Variants in EPM2A observed in about 807,000 individuals in gnomAD.
EPM2A encodes EPM2A glucan phosphatase, laforin.
In EPM2A, 21 loss-of-function variants were observed where a neutral mutation model predicts 26.5. The observed-to-expected ratio is 0.79, with a 90% CI of 0.56 to 1.14. The LOEUF (loss-of-function observed/expected upper bound fraction) is 1.14, where lower values mean the gene tolerates loss of function less well. Among genes scored for constraint, EPM2A ranks in the 50% most tolerant of loss-of-function variants. EPM2A has a pLI of 0.00. For synonymous variants in EPM2A, 217 were observed against 177.6 expected (o/e 1.22, Z -1.76); for missense variants, 458 against 440.8 (o/e 1.04, Z -0.35).
At chr6:145,735,750 G>A, upstream of EPM2A, 11 of 571,976 alleles carry the variant, frequency 1.9e-5, no homozygotes, top group Non-Finnish European at 2.5e-5. Flanking sequence ...GCGGGCGGTT[G>A]ATTTCCACCT....
At chr6:145,609,795 G>A (rs1392214159) in intron 2 of EPM2A, among the ~76,000 whole-genome samples, 8 of 152,020 alleles carry the variant, frequency 5.3e-5, no homozygotes, top group Non-Finnish European at 8.8e-5. Context: ...CTTGTTCTTT[G>A]GTGTCCTTTA....
chr6:145,670,465 C>T (rs1013085309), intron 2 of EPM2A: 1 of 152,136 alleles, frequency 6.6e-6, no homozygotes, highest in African/African-American at 2.4e-5. Flanking sequence ...AACAACAATG[C>T]TGCTGATAAT....
At chr6:145,690,094 G>A (rs887959553) in intron 1 of EPM2A, among the ~76,000 whole-genome samples, 2 of 152,198 alleles carry the variant, frequency 1.3e-5, no homozygotes, top group Non-Finnish European at 2.9e-5. Flanking sequence ...CACTCAGGGA[G>A]GAGTCTGTTT....
chr6:145,397,944 A>G (rs1778428376), intron 4 of EPM2A, among the ~76,000 whole-genome samples: 1 of 152,128 alleles, frequency 6.6e-6, no homozygotes, highest in Admixed American at 6.6e-5. Flanking sequence ...ACTGAGATGA[A>G]TTTTTATACT....
At chr6:145,552,663 A>G (rs2114805627) in intron 2 of EPM2A, among the ~76,000 whole-genome samples, 1 of 152,236 alleles carries the variant, frequency 6.6e-6, no homozygotes, top group South Asian at 2.1e-4. Context: ...TAAATATGTG[A>G]GCAAAAGTAA....
chr6:145,513,777 G>A (rs927007149), intron 2 of EPM2A, among the ~76,000 whole-genome samples: 2 of 152,184 alleles, frequency 1.3e-5, no homozygotes, highest in East Asian at 1.9e-4. Context: ...TCTTTTGACA[G>A]AAGAAGCCAG....
intron 2 of EPM2A, among the ~76,000 whole-genome samples, chr6:145,615,801 G>A (rs769881090): frequency 2.0e-5 from 3 of 151,988 alleles, no homozygotes; most frequent in African/African-American, 7.2e-5. Flanking sequence ...GCCCCTCCCC[G>A]AGAGATTTAT....
At chr6:145,733,840 T>C (rs966156578) in intron 1 of EPM2A, among the ~76,000 whole-genome samples, 3 of 152,172 alleles carry the variant, frequency 2.0e-5, no homozygotes, top group African/African-American at 7.2e-5. Flanking sequence ...TTCTACATCA[T>C]TACAGGCTAA....
At chr6:145,632,077 C>T (rs1776303947) in intron 3 of EPM2A, 1 of 152,038 alleles carries the variant, frequency 6.6e-6, no homozygotes. Flanking sequence ...TTTTCAAAGC[C>T]CTTTCATATC....
intron 1 of EPM2A, among the ~76,000 whole-genome samples, chr6:145,733,623 T>C (rs1447705957): frequency 1.3e-5 from 2 of 152,154 alleles, no homozygotes; most frequent in South Asian, 2.1e-4. Context: ...TATCAGATAT[T>C]ATTTTAAAAA....
intron 2 of EPM2A, among the ~76,000 whole-genome samples, chr6:145,562,287 CT>C (rs778417887): frequency 6.6e-6 from 1 of 151,662 alleles, no homozygotes; most frequent in Admixed American, 6.6e-5. Context: ...TTGTTGTTTC[CT>C]TTTTTTGTTT....
chr6:145,568,039 G>A (rs765878262), intron 2 of EPM2A, among the ~76,000 whole-genome samples: 12 of 152,150 alleles, frequency 7.9e-5, no homozygotes, highest in Non-Finnish European at 1.2e-4. Context: ...TCAAGAATTT[G>A]ACAGCATGAA....
rs117295030 is a variant in EPM2A at position 145,532,739 on chromosome 6, G to A, written c.341-30164C>T. On this transcript the variant is annotated intron_variant, in intron 2 of 3. Transcript: ENST00000450221. Reference sequence around the variant, plus strand: ...GTCAGGGTCTGTGGGACAGACCCCCGTACTCCACCTCCCTGTATTCTTCAA... The same window carrying A: ...GTCAGGGTCTGTGGGACAGACCCCCATACTCCACCTCCCTGTATTCTTCAA... Among the ~76,000 whole-genome samples the A allele has an allele frequency of 4.8e-4, 73 of 152,170 alleles. No individual in the cohort carries two copies. The East Asian group carries it at 0.012, about 25-fold the overall frequency.
intron 2 of EPM2A, among the ~76,000 whole-genome samples, chr6:145,605,173 C>A (rs1026266715): frequency 6.2e-4 from 94 of 152,204 alleles, no homozygotes; most frequent in African/African-American, 2.2e-3. Context: ...TAAATGCCAA[C>A]TTGTATTTTA....
intron 2 of EPM2A, chr6:145,639,684 AAT>A (rs1467733581): frequency 3.9e-5 from 6 of 152,224 alleles, no homozygotes; most frequent in African/African-American, 1.4e-4. Flanking sequence ...TTGTCCAAAA[AAT>A]AGTGTCAAGA....
At chr6:145,472,991 T>C (rs1779495649) in intron 4 of EPM2A, among the ~76,000 whole-genome samples, 1 of 151,830 alleles carries the variant, frequency 6.6e-6, no homozygotes, top group Admixed American at 6.6e-5. Flanking sequence ...TCCCAGACAC[T>C]GAAGAACATC....
chr6:145,649,086 G>A (rs1245594427), intron 2 of EPM2A, among the ~76,000 whole-genome samples: 2 of 152,070 alleles, frequency 1.3e-5, no homozygotes, highest in African/African-American at 4.8e-5. Context: ...TGAACCTCTC[G>A]TGGCCTCTCT....
chr6:145,625,874 G>A lies in EPM2A; in HGVS notation c.*1542C>T. 1 of 1,491,450 alleles carries A rather than the reference G, an allele frequency of 6.7e-7. No individual in the cohort carries two copies. Among genetic ancestry groups the A allele is most frequent in the Non-Finnish European group, 8.9e-7 (1 of 1,118,182 alleles). 92.4% of individuals were successfully genotyped at this position (1,491,450 alleles called of 1,614,324 possible). On this transcript the variant is annotated 3_prime_UTR_variant, in exon 4 of 4. Coordinates refer to ENST00000367519, the MANE Select transcript of EPM2A (RefSeq NM_005670.4). ...CATCTATCAATATGTGTTTGTGGAA[G>A]AAAGGAAGGTGCAGAAAAATAAATA...
chr6:145,683,157 C>T (rs1780661026), intron 2 of EPM2A, among the ~76,000 whole-genome samples: 1 of 151,904 alleles, frequency 6.6e-6, no homozygotes, highest in African/African-American at 2.4e-5. Flanking sequence ...GGGAGTTGGA[C>T]TGAAACAACT....
Sources: gnomAD v4.1 joint callset for allele counts (sites outside exome capture counted in the v4.1 genomes callset) on GRCh38, gnomAD v4.1.1 for gene constraint, MANE v1.5 for transcripts, NCBI Gene and HGNC (gene_info 2026-07-23, HGNC 2026-07-21) for gene names.